The following NINJ2 variants were observed in gnomAD, a reference collection of about 807,000 sequenced individuals.
NINJ2 encodes ninjurin 2.
NINJ2 carries 12 observed loss-of-function variants against 11.7 expected under a neutral mutation model. That is an observed-to-expected ratio of 1.02 (90% CI 0.66 to 1.66). The LOEUF (loss-of-function observed/expected upper bound fraction) is 1.66. Ranked by LOEUF, NINJ2 falls within the 40% of genes most tolerant of loss-of-function variation. NINJ2 has a pLI of 0.00. For synonymous variants in NINJ2, 93 were observed against 76.8 expected, an observed-to-expected ratio of 1.21 and a Z score of -1.10; for missense variants, 187 against 181.8, an observed-to-expected ratio of 1.03 and a Z score of -0.16.
intron 1 of NINJ2, among the ~76,000 whole-genome samples, chr12:571,419 G>GC (rs1251019409): frequency 1.3e-5 from 2 of 151,680 alleles, no homozygotes; most frequent in Non-Finnish European, 2.9e-5. Context: ...GGCAGACGTG[G>GC]GTTTGGTGAT....
At chr12:643,823 C>T in intron 1 of NINJ2, 5 of 293,390 alleles carry the variant, frequency 1.7e-5, no homozygotes, top group Non-Finnish European at 2.6e-5. Flanking sequence ...CTTGAGCTAC[C>T]AGCTCATCGC....
intron 1 of NINJ2, among the ~76,000 whole-genome samples, chr12:607,297 G>A (rs1032111373): frequency 5.3e-5 from 8 of 152,136 alleles, no homozygotes; most frequent in African/African-American, 1.7e-4. Context: ...AGGGTGGCGA[G>A]CATATTAGGG....
rs1947262671 is a variant in NINJ2, at chr12:564,482, C to T, written c.*218G>A. 1.3e-5 allele frequency: 2 copies of T among 152,220 alleles called. No individual in the cohort carries two copies. The highest frequency in any genetic ancestry group is 4.1e-4 in the South Asian group (2 of 4,834). 9.4% of individuals were successfully genotyped at this position (152,220 alleles called of 1,614,324 possible). A position where few individuals can be genotyped will look rare whatever the true frequency, so the allele number is the denominator to read the frequency against. ...TACCAGGAAGGTATGGCTGGCAGTA[C>T]CTGCGTCTGAGCTCAGGACTTCAGA... is the stretch of plus-strand genomic sequence containing the variant. On this transcript the variant is annotated 3_prime_UTR_variant, in exon 4 of 4. Coordinates refer to ENST00000305108, the MANE Select transcript of NINJ2 (RefSeq NM_016533.6).
At chr12:579,747 C>T (rs1168722870) in intron 1 of NINJ2, among the ~76,000 whole-genome samples, 1 of 151,962 alleles carries the variant, frequency 6.6e-6, no homozygotes, top group Admixed American at 6.6e-5. Context: ...AAAAAGCTTC[C>T]CCTCTTGCTT....
chr12:601,480 G>A (rs970598375), intron 1 of NINJ2, among the ~76,000 whole-genome samples: 52 of 151,722 alleles, frequency 3.4e-4, no homozygotes, highest in Non-Finnish European at 5.9e-4. Context: ...CCTGGGAGGC[G>A]GAGCTTACAG....
intron 1 of NINJ2, among the ~76,000 whole-genome samples, chr12:648,605 G>T (rs1377458077): frequency 1.3e-5 from 2 of 152,186 alleles, no homozygotes; most frequent in East Asian, 3.8e-4. Context: ...AGAGGTCCAG[G>T]AAAGGCCTGG....
intron 1 of NINJ2, among the ~76,000 whole-genome samples, chr12:604,230 A>T (rs1437956701): frequency 1.3e-5 from 2 of 152,242 alleles, no homozygotes; most frequent in African/African-American, 4.8e-5. Context: ...GAGTATCGCT[A>T]TCTTAACAAC....
At position 617,061 on chromosome 12, in the gene NINJ2, C is replaced by T. The variant is rs187386824; in HGVS notation, c.33+46267G>A. Among the ~76,000 whole-genome samples the T allele has an allele frequency of 1.1e-4, 16 of 152,276 alleles. No individual in the cohort carries two copies. The East Asian group carries it at 2.7e-3, about 26-fold the overall frequency. ...TCTCTACTAAAAATACAAAAATTAGCCAGACGTGGTGGCGCACACCTGTAA... is the reference window on the plus strand; with the variant it reads ...TCTCTACTAAAAATACAAAAATTAGTCAGACGTGGTGGCGCACACCTGTAA... On this transcript the variant is annotated intron_variant, in intron 1 of 3. Transcript: ENST00000305108.
intron 1 of NINJ2, among the ~76,000 whole-genome samples, chr12:567,584 G>C (rs887491639): frequency 6.6e-6 from 1 of 152,150 alleles, no homozygotes; most frequent in Non-Finnish European, 1.5e-5. Flanking sequence ...CTTGTACTTC[G>C]TGCAGCCCCA....
chr12:585,216 G>A lies in NINJ2; in HGVS notation c.34-19038C>T, dbSNP rs953140808. ...GTCTCTGCAGTGACCTTCACCTGCC[G>A]CCAGCGGTTCTCTCCCCGCCATTCA... On this transcript the variant is annotated intron_variant, in intron 1 of 3. Transcript: ENST00000305108. The surrounding 1 kb of genome is among the most constrained non-coding windows in gnomAD (Gnocchi z 4.1). Among the ~76,000 whole-genome samples the A allele has an allele frequency of 8.6e-5, 13 of 151,946 alleles. No homozygotes were observed. Among genetic ancestry groups the A allele is most frequent in the African/African-American group, 2.9e-4 (12 of 41,336 alleles).
intron 1 of NINJ2, among the ~76,000 whole-genome samples, chr12:639,356 G>A (rs934289493): frequency 2.6e-5 from 4 of 152,150 alleles, no homozygotes; most frequent in African/African-American, 9.7e-5. Context: ...AGACACTGAG[G>A]CACAGAGAGG....
chr12:588,396 A>C (rs1248636078), intron 1 of NINJ2, among the ~76,000 whole-genome samples: 1 of 152,240 alleles, frequency 6.6e-6, no homozygotes, highest in Non-Finnish European at 1.5e-5. Flanking sequence ...TGACTGCATA[A>C]AATTAAAATT....
At chr12:579,127 G>T (rs1592074049) in intron 1 of NINJ2, among the ~76,000 whole-genome samples, 1 of 152,330 alleles carries the variant, frequency 6.6e-6, no homozygotes, top group African/African-American at 2.4e-5. Flanking sequence ...ATTTCCAAAA[G>T]GTAAGAGTTA....
chr12:653,312 TG>T (rs1266332154), intron 1 of NINJ2, among the ~76,000 whole-genome samples: 1 of 152,118 alleles, frequency 6.6e-6, no homozygotes, highest in Non-Finnish European at 1.5e-5. Flanking sequence ...AGCCATATTT[TG>T]TTTCTTATAC....
At chr12:650,995 T>TTAG (rs1937778409) in intron 1 of NINJ2, among the ~76,000 whole-genome samples, 1 of 151,918 alleles carries the variant, frequency 6.6e-6, no homozygotes, top group Non-Finnish European at 1.5e-5. Context: ...TCCTCGGGAG[T>TTAG]TAGTGCCAGC....
intron 1 of NINJ2, among the ~76,000 whole-genome samples, chr12:635,316 G>T (rs1288456087): frequency 6.6e-6 from 1 of 151,942 alleles, no homozygotes; most frequent in Non-Finnish European, 1.5e-5. Flanking sequence ...CTCCCAAAGT[G>T]CTAGGATTAC....
rs940325985 is a variant in NINJ2 at position 633,833 on chromosome 12, A to G, written c.33+29495T>C. 6.6e-6 allele frequency among the ~76,000 whole-genome samples: 1 copy of G among 152,106 alleles called. No homozygotes were observed. The highest frequency in any genetic ancestry group is 1.5e-5 in the Non-Finnish European group (1 of 68,022). ...GTGTAAAAAAAACAAACCACTTTAG[A>G]GTTTTCCACTGTCTGCTAAATCAAG... On this transcript the variant is annotated intron_variant, in intron 1 of 3. Transcript: ENST00000305108. The surrounding 1 kb of genome is among the most constrained non-coding windows in gnomAD (Gnocchi z 4.3).
intron 1 of NINJ2, among the ~76,000 whole-genome samples, chr12:578,188 C>G (rs774906642): frequency 1.3e-5 from 2 of 152,188 alleles, no homozygotes; most frequent in East Asian, 1.9e-4. Flanking sequence ...TCATGACCCT[C>G]TCACGCGGAC....
chr12:647,274 C>G (rs913999110), intron 1 of NINJ2, among the ~76,000 whole-genome samples: 5 of 152,208 alleles, frequency 3.3e-5, no homozygotes, highest in African/African-American at 1.2e-4. Flanking sequence ...CATCTTCACC[C>G]GAGCCCTTCA....
Sources: allele counts gnomAD v4.1 joint callset (sites outside exome capture counted in the v4.1 genomes callset), GRCh38; gene constraint gnomAD v4.1.1; non-coding constraint Gnocchi (gnomAD v3.1); transcripts MANE v1.5; gene names NCBI Gene and HGNC (gene_info 2026-07-23, HGNC 2026-07-21).